The following TCF7L1 variants were observed in gnomAD, a reference collection of about 807,000 sequenced individuals.
TCF7L1 encodes transcription factor 7 like 1.
TCF7L1 carries 18 observed loss-of-function variants against 63.7 expected under a neutral mutation model. The ratio of observed to expected loss-of-function variants is 0.28; its 90% CI spans 0.20 to 0.42. TCF7L1 has a LOEUF of 0.42. TCF7L1 is among the 10% of genes least tolerant of loss of function. The probability of loss-of-function intolerance (pLI) is 1.00; values close to 1 mark genes in which losing one functional copy is unlikely to be tolerated. For missense variants in TCF7L1, 654 were observed against 779.3 expected (o/e 0.84, Z 1.91); for synonymous variants, 355 against 340.9 (o/e 1.04, Z -0.46).
At chr2:85,197,489 A>G (rs1331256618) in intron 3 of TCF7L1, among the ~76,000 whole-genome samples, 2 of 152,208 alleles carry the variant, frequency 1.3e-5, no homozygotes, top group African/African-American at 4.8e-5. Context: ...TGAAAGAAAC[A>G]CCAACAAACA....
intron 3 of TCF7L1, among the ~76,000 whole-genome samples, chr2:85,239,856 G>T (rs938026650): frequency 1.6e-4 from 23 of 147,304 alleles, no homozygotes; most frequent in Admixed American, 2.1e-4. Flanking sequence ...TGAGGCAGGA[G>T]AATCACTTGA....
chr2:85,249,156 C>A (rs116547664), intron 3 of TCF7L1, among the ~76,000 whole-genome samples: 114 of 152,330 alleles, frequency 7.5e-4, no homozygotes, highest in African/African-American at 2.7e-3. Flanking sequence ...TTTTGCTTTT[C>A]ACTAGTTGCA....
chr2:85,210,420 G>A (rs966479101), intron 3 of TCF7L1, among the ~76,000 whole-genome samples: 4 of 152,214 alleles, frequency 2.6e-5, no homozygotes, highest in African/African-American at 9.6e-5. Context: ...GGCTAGGAGA[G>A]GAGGACAGGG....
rs1553392189 is a variant in TCF7L1, at chr2:85,133,695, TCGGCGGCGGGGGCGGCGG to T, written c.21_38del (p.Gly9_Gly14del). ...GCCCGCGGCCCCACCATGCCCCAGC[TCGGCGGCGGGGGCGGCGG>T]CGGCGGCGGCGGCAGCGGGGGAGGC... On this transcript the variant is annotated inframe_deletion, in exon 1 of 12. Transcript: ENST00000282111. The surrounding 1 kb of genome is among the most constrained non-coding windows in gnomAD (Gnocchi z 4.4). 1 of 996,630 alleles carries T rather than the reference TCGGCGGCGGGGGCGGCGG, an allele frequency of 1.0e-6. No individual in the cohort carries two copies. The highest frequency in any genetic ancestry group is 6.3e-5 in the Admixed American group (1 of 15,824). 61.7% of individuals were successfully genotyped at this position (996,630 alleles called of 1,614,324 possible).
intron 3 of TCF7L1, among the ~76,000 whole-genome samples, chr2:85,224,137 C>T (rs555422325): frequency 1.9e-4 from 29 of 152,344 alleles, no homozygotes; most frequent in African/African-American, 6.7e-4. Context: ...TTTATAGCTG[C>T]ATAGTATTCC....
chr2:85,137,086 C>G (rs1163331720), intron 3 of TCF7L1, among the ~76,000 whole-genome samples: 3 of 152,146 alleles, frequency 2.0e-5, no homozygotes, highest in African/African-American at 7.2e-5. Context: ...CTTTGCTGCT[C>G]TAAGGCCTAG....
chr2:85,300,790 T>TA (rs1487008956), intron 4 of TCF7L1, among the ~76,000 whole-genome samples: 2 of 152,036 alleles, frequency 1.3e-5, no homozygotes, highest in Non-Finnish European at 2.9e-5. Flanking sequence ...TCTCTTTTTT[T>TA]TTTTTTTGAA....
chr2:85,219,363 A>G (rs6547598), intron 3 of TCF7L1, among the ~76,000 whole-genome samples: 38,244 of 152,134 alleles, frequency 0.25, 9,117 homozygotes, highest in African/African-American at 0.63. Context: ...TCAAAGATGC[A>G]CATATCTTAT....
intron 3 of TCF7L1, among the ~76,000 whole-genome samples, chr2:85,168,192 AACACACACAC>A (rs55736939): frequency 1.4e-5 from 2 of 145,604 alleles, no homozygotes; most frequent in Admixed American, 6.9e-5. Flanking sequence ...GTTCTTACCA[AACACACACAC>A]ACACACACAC....
intron 3 of TCF7L1, among the ~76,000 whole-genome samples, chr2:85,199,405 C>T (rs2104275675): frequency 6.6e-6 from 1 of 152,284 alleles, no homozygotes; most frequent in South Asian, 2.1e-4. Flanking sequence ...TTTTGTTTGT[C>T]TCATGTTTAT....
intron 3 of TCF7L1, among the ~76,000 whole-genome samples, chr2:85,272,066 C>A (rs1317309435): frequency 6.6e-6 from 1 of 152,164 alleles, no homozygotes; most frequent in East Asian, 1.9e-4. Flanking sequence ...TTGCCCCCCA[C>A]CCCCGCTGCC....
intron 3 of TCF7L1, among the ~76,000 whole-genome samples, chr2:85,135,139 T>G (rs986791334): frequency 6.6e-6 from 1 of 152,216 alleles, no homozygotes; most frequent in African/African-American, 2.4e-5. Flanking sequence ...TGCTGCCCGC[T>G]GGCATTTAGA....
chr2:85,258,075 A>G (rs1680763537), intron 3 of TCF7L1, among the ~76,000 whole-genome samples: 1 of 152,186 alleles, frequency 6.6e-6, no homozygotes, highest in South Asian at 2.1e-4. Flanking sequence ...AGTAGGGCTG[A>G]TGAGGATTAA....
At chr2:85,283,265 T>TCCC (rs35610133) in intron 3 of TCF7L1, among the ~76,000 whole-genome samples, 10,521 of 109,274 alleles carry the variant, frequency 0.096, 894 homozygotes, top group African/African-American at 0.21. Context: ...GTCATTCGTG[T>TCCC]CCCCCCCCCC....
At chr2:85,161,480 G>C (rs1362656389) in intron 3 of TCF7L1, among the ~76,000 whole-genome samples, 2 of 152,062 alleles carry the variant, frequency 1.3e-5, no homozygotes, top group Non-Finnish European at 2.9e-5. Flanking sequence ...CACTGAGCTG[G>C]GAGCTCTCCT....
chr2:85,306,069 C>A lies in TCF7L1; in HGVS notation c.990-137C>A. The A allele has an allele frequency of 1.0e-6, 1 of 957,116 alleles. No individual in the cohort carries two copies. The highest frequency in any genetic ancestry group is 1.6e-6 in the Non-Finnish European group (1 of 631,812). 59.3% of individuals were successfully genotyped at this position (957,116 alleles called of 1,614,324 possible). On this transcript the variant is annotated intron_variant, in intron 8 of 11. Transcript: ENST00000282111. This position sits in a 1 kb window ranked among gnomAD's most constrained non-coding sequence, Gnocchi z 4.3. The stretch of plus-strand genomic sequence containing the variant: ...GAAGGTACTCAGGTGTTGAGTGCAG[C>A]CATGGGGCCACTTGAATTAGCATCC...
intron 3 of TCF7L1, among the ~76,000 whole-genome samples, chr2:85,204,475 C>A (rs1373266211): frequency 6.6e-6 from 1 of 152,128 alleles, no homozygotes; most frequent in Non-Finnish European, 1.5e-5. Context: ...CCTTTGTGTG[C>A]CCAAACTAGT....
chr2:85,235,479 C>T (rs12477490), intron 3 of TCF7L1, among the ~76,000 whole-genome samples: 27,530 of 151,480 alleles, frequency 0.18, 3,686 homozygotes, highest in East Asian at 0.59. Flanking sequence ...AGGAAGGCCC[C>T]GTGCTGGGAG....
At chr2:85,256,820 TA>T (rs1362985784) in intron 3 of TCF7L1, among the ~76,000 whole-genome samples, 3 of 151,928 alleles carry the variant, frequency 2.0e-5, no homozygotes, top group Non-Finnish European at 2.9e-5. Flanking sequence ...CCATCTCTAA[TA>T]AAAATACAAA....
Sources: gnomAD v4.1 joint callset for allele counts (sites outside exome capture counted in the v4.1 genomes callset) on GRCh38, gnomAD v4.1.1 for gene constraint, Gnocchi (gnomAD v3.1) non-coding constraint, MANE v1.5 for transcripts, NCBI Gene and HGNC (gene_info 2026-07-23, HGNC 2026-07-21) for gene names.